GREB1: variants seen among roughly 807,000 people sequenced by gnomAD.
GREB1 encodes the protein growth regulating estrogen receptor binding 1, also known as protein GREB1.
Under a neutral mutation model 200.7 loss-of-function variants are expected in GREB1, and 106 were observed. The ratio of observed to expected loss-of-function variants is 0.53; its 90% confidence interval spans 0.45 to 0.62. The LOEUF is 0.62. Among genes scored for constraint, GREB1 ranks in the 20% least tolerant of loss-of-function variants. The pLI is 0.00. For synonymous variants in GREB1, 1,132 were observed against 1,092.4 expected (o/e 1.04, Z -0.72); for missense variants, 2,243 against 2,556.8 (o/e 0.88, Z 2.65).
chr2:11,587,610 C>G (rs1680254034), intron 9 of GREB1: 2 of 1,453,850 alleles, frequency 1.4e-6, no homozygotes, highest in South Asian at 1.4e-5. Context: ...CTCCCCGAGC[C>G]CAGCAGGACA....
At chr2:11,638,921 G>T in intron 32 of GREB1, 112 bp downstream of exon 32, 1 of 1,105,376 alleles carries the variant, frequency 9.0e-7, no homozygotes. Flanking sequence ...GTAAACTGAG[G>T]ATCAGAGAGG....
chr2:11,491,892 G>T (rs555525530), intron 1 of GREB1, among the ~76,000 whole-genome samples: 1 of 152,156 alleles, frequency 6.6e-6, no homozygotes, highest in Non-Finnish European at 1.5e-5. Flanking sequence ...TCTGTGCTCA[G>T]TTCTGCGAAT....
chr2:11,528,690 C>T (rs1437042729), intron 1 of GREB1, among the ~76,000 whole-genome samples: 1 of 152,134 alleles, frequency 6.6e-6, no homozygotes, highest in East Asian at 1.9e-4. Context: ...TAATTGGTAC[C>T]AAGTCTGTAT....
chr2:11,483,321 T>TGC (rs1293686774), intron 1 of GREB1, among the ~76,000 whole-genome samples: 24 of 75,062 alleles, frequency 3.2e-4, no homozygotes, highest in East Asian at 1.1e-3. Flanking sequence ...TGTATCGGTG[T>TGC]GCGCGCGCGT....
At position 11,625,430 on chromosome 2, in the gene GREB1, T is replaced by G. The variant is rs954284478; in HGVS notation, c.4306+118T>G. On this transcript the variant is annotated intron_variant, in intron 24 of 32. Coordinates refer to ENST00000381486, the MANE Select transcript of GREB1 (RefSeq NM_014668.4). ...TGGTGATGAATTAACCTGCCATACC[T>G]AGTACAGAACTGAGGTCACCACCTC... The G allele has an allele frequency of 5.1e-6, 5 of 979,040 alleles. No homozygotes were observed. In the African/African-American group the frequency reaches 8.0e-5, roughly 16 times the overall value. 60.6% of individuals were successfully genotyped at this position (979,040 alleles called of 1,614,324 possible).
At chr2:11,486,606 G>A (rs578069451) in intron 1 of GREB1, among the ~76,000 whole-genome samples, 158 of 152,008 alleles carry the variant, frequency 1.0e-3, no homozygotes, top group African/African-American at 3.7e-3. Context: ...TAGTCCCAAC[G>A]CCTATAATCC....
intron 1 of GREB1, among the ~76,000 whole-genome samples, chr2:11,504,944 A>AT (rs1673140745): frequency 6.6e-6 from 1 of 151,920 alleles, no homozygotes; most frequent in South Asian, 2.1e-4. Context: ...ATTTAATTTT[A>AT]TTTTTTGAGA....
intron 4 of GREB1, among the ~76,000 whole-genome samples, chr2:11,567,591 G>A (rs1677802153): frequency 6.6e-6 from 1 of 152,148 alleles, no homozygotes; most frequent in Non-Finnish European, 1.5e-5. Context: ...TGTGGTCAAG[G>A]TCAAGGTGGG....
chr2:11,596,304 AGTGGGCGCAG>A (rs1197072517), intron 13 of GREB1, 65 bp downstream of exon 13: 2 of 1,361,194 alleles, frequency 1.5e-6, no homozygotes, highest in East Asian at 5.8e-5. Flanking sequence ...GGGCAGGGTC[AGTGGGCGCAG>A]GTGTGCACAG....
chr2:11,609,117 C>T (rs1180959038), intron 17 of GREB1, among the ~76,000 whole-genome samples: 1 of 152,186 alleles, frequency 6.6e-6, no homozygotes, highest in Non-Finnish European at 1.5e-5. Context: ...AGTTTTTCAG[C>T]TGTTTCAGAT....
intron 9 of GREB1, chr2:11,588,033 C>A: frequency 1.3e-6 from 1 of 753,826 alleles, no homozygotes; most frequent in Non-Finnish European, 1.6e-6. Flanking sequence ...CAAGATCAGC[C>A]TGGGCAACAT....
At chr2:11,543,084 C>T (rs1473244828) in intron 1 of GREB1, among the ~76,000 whole-genome samples, 3 of 152,014 alleles carry the variant, frequency 2.0e-5, no homozygotes, top group Non-Finnish European at 2.9e-5. Context: ...TGCAGTGTTC[C>T]GGGCACCATG....
chr2:11,556,910 G>T, intron 2 of GREB1, 139 bp downstream of exon 2: 1 of 655,404 alleles, frequency 1.5e-6, no homozygotes, highest in South Asian at 3.3e-5. Flanking sequence ...AAGAAAACTG[G>T]GTACAAGTTC....
rs751005681 is a variant in GREB1 at position 11,637,792 on chromosome 2, C to G, written c.5423C>G (p.Ala1808Gly). Residue 1808 changes from alanine to glycine, a missense_variant, in exon 31 of 33, where the codon GCG (alanine) becomes GGG (glycine). Coordinates refer to ENST00000381486, the MANE Select transcript of GREB1 (RefSeq NM_014668.4). Reference sequence around the variant, plus strand: ...GACAGCAAGCACACGTTCCTCGCAGCGCCCGCCCAGCTCCTGCTGGAGAAG... The same window carrying G: ...GACAGCAAGCACACGTTCCTCGCAGGGCCCGCCCAGCTCCTGCTGGAGAAG... ...APDSKHTFLAAPAQLLLEKFL... is the reference protein window; with the variant it reads ...APDSKHTFLAGPAQLLLEKFL... The G allele has an allele frequency of 6.2e-7, 1 of 1,614,118 alleles. No homozygotes were observed. The highest frequency in any genetic ancestry group is 1.1e-5 in the South Asian group (1 of 91,090).
At position 11,587,735 on chromosome 2, in the gene GREB1, A is replaced by ACG. The variant is rs1295717519; in HGVS notation, c.1160-1010_1160-1009insGC. 2,920 of 1,091,560 alleles carry ACG rather than the reference A, an allele frequency of 2.7e-3. 132 individuals are homozygous for ACG. In the African/African-American group the frequency reaches 0.05, roughly 19 times the overall value. The allele number at this position is 1,091,560 out of a possible 1,614,324, so 67.6% of individuals were successfully genotyped here. On this transcript the variant is annotated intron_variant, in intron 9 of 32. Coordinates refer to ENST00000381486, the MANE Select transcript of GREB1 (RefSeq NM_014668.4). ...CACACACACACACACACACACACAC[A>ACG]CACACACGCCACCTTTGGGAGCTCA...
chr2:11,602,728 C>A (rs62118315), intron 17 of GREB1, among the ~76,000 whole-genome samples, 186 bp downstream of exon 17: 36,203 of 152,078 alleles, frequency 0.24, 5,397 homozygotes, highest in Admixed American at 0.38. Flanking sequence ...TCAGCGATAT[C>A]TTTGTCATCC....
At chr2:11,582,399 C>T (rs1481245675) in intron 7 of GREB1, among the ~76,000 whole-genome samples, 1 of 152,236 alleles carries the variant, frequency 6.6e-6, no homozygotes, top group Non-Finnish European at 1.5e-5. Flanking sequence ...ATTTTGGCTA[C>T]CCTGGGCAGT....
chr2:11,618,731 T>C lies in GREB1; in HGVS notation c.3856T>C (p.Ser1286Pro), dbSNP rs758066300. The change falls in exon 22 of 33, where the codon TCC becomes CCC. Residue 1286 changes from serine to proline, a missense_variant. Physicochemically the swap from Ser to Pro is moderately conservative, Grantham distance 74. Transcript: ENST00000381486. ...GLPKAASLLP[S>P]PSVMWASSFR... ...GCCCAAGGCCGCCTCCCTCCTGCCC[T>C]CCCCCTCGGTCATGTGGGCCAGCTC... The C allele has an allele frequency of 5.6e-6, 9 of 1,612,530 alleles. No homozygotes were observed. Among genetic ancestry groups the C allele is most frequent in the Non-Finnish European group, 6.8e-6 (8 of 1,179,296 alleles).
intron 1 of GREB1, among the ~76,000 whole-genome samples, chr2:11,516,737 A>T (rs560771439): frequency 3.9e-5 from 6 of 152,282 alleles, no homozygotes; most frequent in African/African-American, 1.4e-4. Flanking sequence ...GGCGCCGTCC[A>T]TCTAAGGGAA....
Sources: allele counts gnomAD v4.1 joint callset (sites outside exome capture counted in the v4.1 genomes callset), GRCh38; gene constraint gnomAD v4.1.1; transcripts MANE v1.5; gene names NCBI Gene and HGNC (gene_info 2026-07-23, HGNC 2026-07-21).